IRAG1: variants seen among roughly 807,000 people sequenced by gnomAD.
IRAG1 encodes inositol 1,4,5-triphosphate receptor associated 1.
In IRAG1, 62 loss-of-function variants were observed where a neutral mutation model predicts 106.2. The ratio of observed to expected loss-of-function variants is 0.58; its 90% CI spans 0.48 to 0.72. The LOEUF is 0.72. IRAG1 is among the 30% of genes least tolerant of loss of function. IRAG1 has a pLI of 0.00. For missense variants in IRAG1, 1,064 were observed against 1,140.7 expected (o/e 0.93, Z 0.97); for synonymous variants, 462 against 443.9 (o/e 1.04, Z -0.51).
chr11:10,680,039 T>C (rs10219376), intron 1 of IRAG1, among the ~76,000 whole-genome samples: 41,517 of 151,656 alleles, frequency 0.27, 6,849 homozygotes, highest in East Asian at 0.77. Context: ...TTTGGGAGGC[T>C]CAGGCAGGTA....
chr11:10,654,606 A>T (rs1034052960), intron 1 of IRAG1, among the ~76,000 whole-genome samples: 1 of 152,212 alleles, frequency 6.6e-6, no homozygotes, highest in South Asian at 2.1e-4. Context: ...CCTTCAAGGA[A>T]CATAGAGCCC....
intron 1 of IRAG1, among the ~76,000 whole-genome samples, chr11:10,681,049 T>A (rs751835155): frequency 1.3e-5 from 2 of 152,160 alleles, no homozygotes; most frequent in African/African-American, 2.4e-5. Flanking sequence ...TCCTGGGTCT[T>A]TTCAAGTTCA....
chr11:10,593,038 C>G (rs867210019), intron 17 of IRAG1, among the ~76,000 whole-genome samples: 4 of 152,144 alleles, frequency 2.6e-5, no homozygotes, highest in African/African-American at 9.7e-5. Context: ...AGTTGTTTCC[C>G]ACTTTTCATT....
At chr11:10,616,119 C>T (rs12275345) in intron 10 of IRAG1, among the ~76,000 whole-genome samples, 42 of 150,970 alleles carry the variant, frequency 2.8e-4, no homozygotes, top group Non-Finnish European at 4.1e-4. Flanking sequence ...TCCTGGCTAA[C>T]GTGGTGAAAC....
At chr11:10,610,108 T>G (rs1854817542) in intron 10 of IRAG1, among the ~76,000 whole-genome samples, 1 of 152,162 alleles carries the variant, frequency 6.6e-6, no homozygotes, top group South Asian at 2.1e-4. Context: ...GACCTCAAGG[T>G]CTACCTGCTT....
Position 10,628,802 on chromosome 11 carries a change from C to G in IRAG1, c.601G>C (p.Ala201Pro). 1 of 1,576,396 alleles carries G rather than the reference C, an allele frequency of 6.3e-7. No individual in the cohort carries two copies. Among genetic ancestry groups the G allele is most frequent in the Admixed American group, 1.9e-5 (1 of 53,572 alleles). ...TTGCTCCGAGAGGATGTAGGAGAAG[C>G]GCTGGGGCTGAGGTTCGGGGAAACA... is the stretch of plus-strand genomic sequence containing the variant. ...SAVSPNLSPS[A>P]SPTSSRSNSL... The change falls in exon 6 of 21, where the codon GCT becomes CCT. Residue 201 changes from alanine (A) to proline (P), a missense_variant. Physicochemically the swap from Ala to Pro is conservative, Grantham distance 27. Transcript: ENST00000423302. This position sits in a 1 kb window ranked among gnomAD's most constrained non-coding sequence, Gnocchi z 4.1.
At chr11:10,655,572 G>A (rs1166218986) in intron 1 of IRAG1, among the ~76,000 whole-genome samples, 3 of 152,210 alleles carry the variant, frequency 2.0e-5, no homozygotes, top group South Asian at 2.1e-4. Flanking sequence ...TCCTTGGAGC[G>A]TTCTCGTAAA....
At chr11:10,613,131 C>T (rs867660774) in intron 10 of IRAG1, among the ~76,000 whole-genome samples, 27 of 151,744 alleles carry the variant, frequency 1.8e-4, no homozygotes, top group African/African-American at 6.0e-4. Context: ...AAGCAGTGAA[C>T]AAAACAAATG....
intron 18 of IRAG1, among the ~76,000 whole-genome samples, chr11:10,584,198 G>A (rs542113353): frequency 1.3e-5 from 2 of 152,256 alleles, no homozygotes; most frequent in Admixed American, 1.3e-4. Flanking sequence ...TTCCAGCCAG[G>A]ACTCTGAAAG....
rs1331598264 is a variant in IRAG1 at position 10,665,540 on chromosome 11, T to G, written c.68-13358A>C. On this transcript the variant is annotated intron_variant, in intron 1 of 20. Coordinates refer to ENST00000423302, the MANE Select transcript of IRAG1 (RefSeq NM_130385.4). The surrounding 1 kb of genome is among the most constrained non-coding windows in gnomAD (Gnocchi z 4.2). ...ACTTCCTGGGGGCGACCACTCCACC[T>G]ACCTATCCCTCAGCTCAGAGCTGGA... Among the ~76,000 whole-genome samples the G allele has an allele frequency of 6.6e-6, 1 of 152,210 alleles. No individual in the cohort carries two copies. Among genetic ancestry groups the G allele is most frequent in the Non-Finnish European group, 1.5e-5 (1 of 68,022 alleles).
intron 18 of IRAG1, among the ~76,000 whole-genome samples, chr11:10,584,716 G>T (rs1201840254): frequency 6.6e-6 from 1 of 151,640 alleles, no homozygotes; most frequent in Non-Finnish European, 1.5e-5. Context: ...GGCAAACTTG[G>T]ATTCAAATAC....
At position 10,581,469 on chromosome 11, in the gene IRAG1, A is replaced by G. The variant is rs1851386545; in HGVS notation, c.2360+398T>C. On this transcript the variant is annotated intron_variant, in intron 19 of 20. Coordinates refer to ENST00000423302, the MANE Select transcript of IRAG1 (RefSeq NM_130385.4). ...ACTCCATTTATAGGAGGAAGGAGTG[A>G]CCAAAGCAGTTCTAGGGAGCAGAGC... Among the ~76,000 whole-genome samples the G allele has an allele frequency of 2.6e-5, 4 of 152,220 alleles. No individual in the cohort carries two copies. In the South Asian group the frequency reaches 8.3e-4, roughly 32 times the overall value.
rs112985855 is a variant in IRAG1 at position 10,686,932 on chromosome 11, G to A, written c.67+6604C>T. On this transcript the variant is annotated intron_variant, in intron 1 of 20. Coordinates refer to ENST00000423302, the MANE Select transcript of IRAG1 (RefSeq NM_130385.4). The stretch of plus-strand genomic sequence containing the variant: ...GTAAGAAGTAACCCAGAAGAAAGGA[G>A]TTAAGAGATCACTTGCTCCCTGTCT... Among the ~76,000 whole-genome samples the A allele has an allele frequency of 4.6e-3, 698 of 152,318 alleles. 2 individuals are homozygous for A. Among genetic ancestry groups the A allele is most frequent in the African/African-American group, 0.016 (677 of 41,584 alleles).
intron 8 of IRAG1, among the ~76,000 whole-genome samples, chr11:10,627,154 G>C (rs1260185341): frequency 3.3e-5 from 5 of 152,160 alleles, no homozygotes; most frequent in Non-Finnish European, 7.4e-5. Context: ...CCTGGGCCGT[G>C]AGCAGCACGT....
chr11:10,615,342 A>G (rs1001275744), intron 10 of IRAG1, among the ~76,000 whole-genome samples: 2 of 152,262 alleles, frequency 1.3e-5, no homozygotes, highest in African/African-American at 2.4e-5. Context: ...TGGGACTATG[A>G]ACTGGTTCAA....
At position 10,627,752 on chromosome 11, in the gene IRAG1, A is replaced by G; in HGVS notation, c.714T>C (p.Asp238=). 1.2e-6 allele frequency: 2 copies of G among 1,613,982 alleles called. No homozygotes were observed. The highest frequency in any genetic ancestry group is 2.2e-5 in the South Asian group (2 of 91,086). ...GGTGAGGTGAAGAGACGTCGGCCTCATCCCCCTTCTGCTGGAGAAGGTGAA... is the reference window on the plus strand; with the variant it reads ...GGTGAGGTGAAGAGACGTCGGCCTCGTCCCCCTTCTGCTGGAGAAGGTGAA... ...PLPGAPPQKG[D]EADVSSPHPG... is the part of the protein sequence containing the mutation. Residue 238 remains aspartate (D), a synonymous_variant, in exon 8 of 21, where the codon GAT becomes GAC. Transcript: ENST00000423302.
chr11:10,692,636 C>CAGAGCAGG (rs1447476259), intron 1 of IRAG1, among the ~76,000 whole-genome samples: 2 of 152,236 alleles, frequency 1.3e-5, no homozygotes, highest in East Asian at 3.9e-4. Context: ...ACCAGATTTA[C>CAGAGCAGG]TTCCCTGTGC....
At chr11:10,577,567 C>T (rs990643094) in intron 20 of IRAG1, among the ~76,000 whole-genome samples, 13 of 152,166 alleles carry the variant, frequency 8.5e-5, no homozygotes, top group Non-Finnish European at 2.9e-5. Flanking sequence ...ACTGAGGATT[C>T]CTGAACCAAG....
intron 1 of IRAG1, among the ~76,000 whole-genome samples, chr11:10,660,962 G>C (rs992966380): frequency 6.6e-6 from 1 of 152,124 alleles, no homozygotes; most frequent in Non-Finnish European, 1.5e-5. Context: ...AGCCTCATTT[G>C]TCTCCTTACC....
Sources: allele counts gnomAD v4.1 joint callset (sites outside exome capture counted in the v4.1 genomes callset), GRCh38; gene constraint gnomAD v4.1.1; non-coding constraint Gnocchi (gnomAD v3.1); transcripts MANE v1.5; gene names NCBI Gene and HGNC (gene_info 2026-07-23, HGNC 2026-07-21).